The following PCDHGA12 variants were observed in gnomAD, a reference collection of about 807,000 sequenced individuals.
The protein encoded by PCDHGA12 is protocadherin gamma-A12.
In PCDHGA12, 43 loss-of-function variants were observed where a neutral mutation model predicts 61.1. That is an observed-to-expected ratio of 0.70 (90% CI 0.55 to 0.91). The LOEUF (loss-of-function observed/expected upper bound fraction) is 0.91. Among genes scored for constraint, PCDHGA12 ranks in the 40% least tolerant of loss-of-function variants. PCDHGA12 has a pLI of 0.00. For missense variants in PCDHGA12, 1,236 were observed against 1,227.7 expected (o/e 1.01, Z -0.10); for synonymous variants, 520 against 542.9 (o/e 0.96, Z 0.59).
rs1426255577 is a variant in PCDHGA12, at chr5:141,512,797, TG to T, written c.*1625del. 6.6e-6 allele frequency: 1 copy of T among 152,300 alleles called. No homozygotes were observed. Among genetic ancestry groups the T allele is most frequent in the African/African-American group, 2.4e-5 (1 of 41,444 alleles). The allele number at this position is 152,300 out of a possible 1,614,324, so 9.4% of individuals were successfully genotyped here. On this transcript the variant is annotated 3_prime_UTR_variant, in exon 4 of 4. Transcript: ENST00000252085. ...GCGGCCCGTGTTGTGTTTTGTGCTGTGTCCACGCGCTAAGGCGACCCCCTCC... is the reference window on the plus strand; with the variant it reads ...GCGGCCCGTGTTGTGTTTTGTGCTGTTCCACGCGCTAAGGCGACCCCCTCC...
chr5:141,491,483 A>ACCTGCAGGTGAGCTCGG lies in PCDHGA12; in HGVS notation c.2425-3323_2425-3307dup. The ACCTGCAGGTGAGCTCGG allele has an allele frequency of 3.1e-6, 5 of 1,614,018 alleles. No individual in the cohort carries two copies. The highest frequency in any genetic ancestry group is 4.2e-6 in the Non-Finnish European group (5 of 1,180,012). ...GACTTCTATAAGCAGTCCAGCCCCAACCTGCAGGTGAGCTCGGACGGCACG... is the reference window on the plus strand; with the variant it reads ...GACTTCTATAAGCAGTCCAGCCCCAACCTGCAGGTGAGCTCGGCCTGCAGGTGAGCTCGGACGGCACG... On this transcript the variant is annotated intron_variant, in intron 1 of 3. Coordinates refer to ENST00000252085, the MANE Select transcript of PCDHGA12 (RefSeq NM_003735.3). The surrounding 1 kb of genome is among the most constrained non-coding windows in gnomAD (Gnocchi z 6.9).
Position 141,491,947 on chromosome 5 carries a change from C to T in PCDHGA12, c.2425-2860C>T. ...GGGGAGGTGGGACCGACCCCCACCCCTACACTCAAAAAAGGCCGGGGCCTC... is the reference window on the plus strand; with the variant it reads ...GGGGAGGTGGGACCGACCCCCACCCTTACACTCAAAAAAGGCCGGGGCCTC... On this transcript the variant is annotated intron_variant, in intron 1 of 3. Coordinates refer to ENST00000252085, the MANE Select transcript of PCDHGA12 (RefSeq NM_003735.3). The surrounding 1 kb of genome is among the most constrained non-coding windows in gnomAD (Gnocchi z 6.9). 1 of 1,114,210 alleles carries T rather than the reference C, an allele frequency of 9.0e-7. No individual in the cohort carries two copies. The highest frequency in any genetic ancestry group is 1.2e-6 in the Non-Finnish European group (1 of 815,758). 69.0% of individuals were successfully genotyped at this position (1,114,210 alleles called of 1,614,324 possible). A position where few individuals can be genotyped will look rare whatever the true frequency, so the allele number is the denominator to read the frequency against.
intron 1 of PCDHGA12, among the ~76,000 whole-genome samples, chr5:141,482,760 C>CAGCTGTG (rs1363796107): frequency 2.1e-5 from 3 of 141,084 alleles, no homozygotes; most frequent in African/African-American, 5.7e-5. Flanking sequence ...TATGGTATTT[C>CAGCTGTG]ATTATCACTG....
chr5:141,499,689 CTTTTTTTTTTTT>C (rs545067566), intron 2 of PCDHGA12, among the ~76,000 whole-genome samples: 1 of 119,856 alleles, frequency 8.3e-6, no homozygotes, highest in Non-Finnish European at 1.7e-5. Flanking sequence ...TAACAGATGA[CTTTTTTTTTTTT>C]TTTTTTTTTT....
In PCDHGA12 at chr5:141,432,770, G is replaced by A. The variant is rs930442281; in HGVS notation, c.2011G>A (p.Val671Ile). The A allele has an allele frequency of 6.2e-7, 1 of 1,614,128 alleles. No individual in the cohort carries two copies. Residue 671 changes from valine (V) to isoleucine (I), a missense_variant, in exon 1 of 4, where the codon GTC (valine) becomes ATC (isoleucine). Coordinates refer to ENST00000252085, the MANE Select transcript of PCDHGA12 (RefSeq NM_003735.3). This position sits in a 1 kb window ranked among gnomAD's most constrained non-coding sequence, Gnocchi z 6.0. ...TVAVADSIPQVLADLGSLESP... is the reference protein window; with the variant it reads ...TVAVADSIPQILADLGSLESP... ...GGCCGTGGCCGACAGCATCCCCCAAGTCCTGGCGGACCTCGGCAGCCTCGA... is the reference window on the plus strand; with the variant it reads ...GGCCGTGGCCGACAGCATCCCCCAAATCCTGGCGGACCTCGGCAGCCTCGA...
chr5:141,510,223 G>C (rs944276162), intron 3 of PCDHGA12, among the ~76,000 whole-genome samples: 1 of 151,302 alleles, frequency 6.6e-6, no homozygotes, highest in African/African-American at 2.4e-5. Context: ...CAGTGAGCCG[G>C]GATCGCGCCA....
At chr5:141,456,142 C>A (rs1258425044) in intron 1 of PCDHGA12, among the ~76,000 whole-genome samples, 1 of 152,052 alleles carries the variant, frequency 6.6e-6, no homozygotes, top group Non-Finnish European at 1.5e-5. Flanking sequence ...CCTGATCCGC[C>A]CGCCTCGGCC....
At chr5:141,466,457 A>G (rs969935541) in intron 1 of PCDHGA12, among the ~76,000 whole-genome samples, 12 of 152,146 alleles carry the variant, frequency 7.9e-5, no homozygotes, top group Admixed American at 6.6e-4. Context: ...GGTGTTGGCT[A>G]TTGTTTCTGC....
chr5:141,486,322 A>G lies in PCDHGA12; in HGVS notation c.2425-8485A>G. The G allele has an allele frequency of 1.9e-6, 3 of 1,613,926 alleles. No homozygotes were observed. The highest frequency in any genetic ancestry group is 2.5e-6 in the Non-Finnish European group (3 of 1,179,962). On this transcript the variant is annotated intron_variant, in intron 1 of 3. Coordinates refer to ENST00000252085, the MANE Select transcript of PCDHGA12 (RefSeq NM_003735.3). This position sits in a 1 kb window ranked among gnomAD's most constrained non-coding sequence, Gnocchi z 5.0. ...AGGATCCAGACTCAGGGTCAAACGG[A>G]GATGTGAGCCTCCGCATTCCTGACC...
At chr5:141,492,218 T>C (rs2099738354) in intron 1 of PCDHGA12, among the ~76,000 whole-genome samples, 1 of 152,114 alleles carries the variant, frequency 6.6e-6, no homozygotes. Flanking sequence ...GCGGGGCTCA[T>C]GCGTGTCCTC....
intron 1 of PCDHGA12, among the ~76,000 whole-genome samples, chr5:141,474,062 C>G (rs745636246): frequency 6.6e-6 from 1 of 152,104 alleles, no homozygotes; most frequent in Non-Finnish European, 1.5e-5. Flanking sequence ...AGAGCGAGAT[C>G]CTGCCTCAGA....
rs369748404 is a variant in PCDHGA12 at position 141,476,671 on chromosome 5, G to A, written c.2425-18136G>A. The A allele has an allele frequency of 6.2e-7, 1 of 1,614,128 alleles. No homozygotes were observed. Among genetic ancestry groups the A allele is most frequent in the Non-Finnish European group, 8.5e-7 (1 of 1,180,056 alleles). On this transcript the variant is annotated intron_variant, in intron 1 of 3. Coordinates refer to ENST00000252085, the MANE Select transcript of PCDHGA12 (RefSeq NM_003735.3). This position sits in a 1 kb window ranked among gnomAD's most constrained non-coding sequence, Gnocchi z 7.6. ...ATGAATACTTTGCGCTTCGCGTGCA[G>A]ACGCGGGAGGACAGCACCAAGTACG...
intron 1 of PCDHGA12, among the ~76,000 whole-genome samples, chr5:141,446,280 A>G (rs1011084291): frequency 2.6e-5 from 4 of 152,162 alleles, no homozygotes; most frequent in South Asian, 2.1e-4. Context: ...AATACAATGG[A>G]TAAATGGGGA....
At chr5:141,495,153 T>G (rs2154591630) in intron 2 of PCDHGA12, among the ~76,000 whole-genome samples, 1 of 152,290 alleles carries the variant, frequency 6.6e-6, no homozygotes, top group East Asian at 1.9e-4. Flanking sequence ...AGGATGGTCT[T>G]AAGCTGGTCT....
rs1251686604 is a variant in PCDHGA12 at position 141,485,257 on chromosome 5, T to C, written c.2425-9550T>C. ...TCTTTTACCACCTGGGTTACGTTTG[T>C]GGGCAGATCCGCTACCCGGTCCCAG... is the stretch of plus-strand genomic sequence containing the variant. On this transcript the variant is annotated intron_variant, in intron 1 of 3. Coordinates refer to ENST00000252085, the MANE Select transcript of PCDHGA12 (RefSeq NM_003735.3). This position sits in a 1 kb window ranked among gnomAD's most constrained non-coding sequence, Gnocchi z 5.7. The C allele has an allele frequency of 6.2e-7, 1 of 1,614,154 alleles. No homozygotes were observed.
At position 141,487,760 on chromosome 5, in the gene PCDHGA12, G is replaced by T; in HGVS notation, c.2425-7047G>T. On this transcript the variant is annotated intron_variant, in intron 1 of 3. Transcript: ENST00000252085. The surrounding 1 kb of genome is among the most constrained non-coding windows in gnomAD (Gnocchi z 5.0). Reference sequence around the variant, plus strand: ...TGTAAGAGGTAACTATGTGGTAGACGCTGTGCTTTGTAACTGTTTCGTGAA... The same window carrying T: ...TGTAAGAGGTAACTATGTGGTAGACTCTGTGCTTTGTAACTGTTTCGTGAA... 1 of 1,545,950 alleles carries T rather than the reference G, an allele frequency of 6.5e-7. No individual in the cohort carries two copies. The highest frequency in any genetic ancestry group is 1.4e-5 in the African/African-American group (1 of 73,162).
In PCDHGA12 at chr5:141,432,927, G is replaced by T. The variant is rs774982939; in HGVS notation, c.2168G>T (p.Arg723Leu). ...ALRLRRWHKS[R>L]LLQASGGGLT... ...AGGCTGCGGCGCTGGCACAAGTCAC[G>T]CCTGCTGCAGGCTTCAGGAGGCGGC... is the stretch of plus-strand genomic sequence containing the variant. The change falls in exon 1 of 4, where the codon CGC (arginine) becomes CTC (leucine). Residue 723 changes from arginine (R) to leucine (L), a missense_variant. By Grantham distance (102) the Arg-to-Leu change is moderately radical. Coordinates refer to ENST00000252085, the MANE Select transcript of PCDHGA12 (RefSeq NM_003735.3). This position sits in a 1 kb window ranked among gnomAD's most constrained non-coding sequence, Gnocchi z 6.0. 1.9e-6 allele frequency: 3 copies of T among 1,614,162 alleles called. No homozygotes were observed. In the Admixed American group the frequency reaches 5.0e-5, roughly 27 times the overall value.
rs1248983040 is a variant in PCDHGA12, at chr5:141,476,937, G to T, written c.2425-17870G>T. 3.1e-6 allele frequency: 5 copies of T among 1,614,186 alleles called. No homozygotes were observed. Among genetic ancestry groups the T allele is most frequent in the Non-Finnish European group, 4.2e-6 (5 of 1,180,050 alleles). The stretch of plus-strand genomic sequence containing the variant: ...GTCCTTGCAACGGATCTGGATGAAG[G>T]CCCCAACGGTGAAATTATTTACTCC... On this transcript the variant is annotated intron_variant, in intron 1 of 3. Coordinates refer to ENST00000252085, the MANE Select transcript of PCDHGA12 (RefSeq NM_003735.3). This position sits in a 1 kb window ranked among gnomAD's most constrained non-coding sequence, Gnocchi z 7.6.
intron 1 of PCDHGA12, among the ~76,000 whole-genome samples, chr5:141,465,116 C>A (rs2099097321): frequency 6.6e-6 from 1 of 150,972 alleles, no homozygotes; most frequent in Non-Finnish European, 1.5e-5. Context: ...AGTGTTTTAG[C>A]CTAAATTTGT....
Sources: allele counts gnomAD v4.1 joint callset (sites outside exome capture counted in the v4.1 genomes callset), GRCh38; gene constraint gnomAD v4.1.1; non-coding constraint Gnocchi (gnomAD v3.1); transcripts MANE v1.5; gene names NCBI Gene and HGNC (gene_info 2026-07-23, HGNC 2026-07-21).